Variants in GRAP2 observed in about 807,000 individuals in gnomAD.
GRAP2 encodes the protein GRB2 related adaptor protein 2.
GRAP2 carries 31 observed loss-of-function variants against 43.5 expected under a neutral mutation model. The observed-to-expected ratio is 0.71, with a 90% CI of 0.54 to 0.96. The LOEUF (loss-of-function observed/expected upper bound fraction) is 0.96, where lower values mean the gene tolerates loss of function less well. GRAP2 is among the 40% of genes least tolerant of loss of function. The pLI, the probability that GRAP2 is intolerant of heterozygous loss-of-function variation, is 0.00. For synonymous variants in GRAP2, 156 were observed against 164.8 expected (o/e 0.95, Z 0.41); for missense variants, 371 against 424.4 (o/e 0.87, Z 1.11).
At chr22:39,903,254 T>C (rs1739463310) in intron 1 of GRAP2, among the ~76,000 whole-genome samples, 1 of 152,194 alleles carries the variant, frequency 6.6e-6, no homozygotes, top group African/African-American at 2.4e-5. Flanking sequence ...CAAAACTTGT[T>C]AAAGAATCTT....
chr22:39,931,398 C>T (rs1301623755), intron 1 of GRAP2, among the ~76,000 whole-genome samples: 3 of 152,282 alleles, frequency 2.0e-5, no homozygotes, highest in Non-Finnish European at 4.4e-5. Context: ...ACATTTGGTA[C>T]TGTTGGTGGT....
At chr22:39,899,840 G>A (rs893962448), upstream of GRAP2, among the ~76,000 whole-genome samples, 1 of 152,068 alleles carries the variant, frequency 6.6e-6, no homozygotes, top group Admixed American at 6.6e-5. Context: ...AAAAAAATTA[G>A]CCAGGCATGG....
rs115927748 is a variant in GRAP2, at chr22:39,902,727, A to G, written c.-15+1397A>G. On this transcript the variant is annotated intron_variant, in intron 1 of 7. Transcript: ENST00000344138. Reference sequence around the variant, plus strand: ...AAGAAATATCTCTGTTGCTAATACAATATCCTTTTGAATATCTCCCACATC... The same window carrying G: ...AAGAAATATCTCTGTTGCTAATACAGTATCCTTTTGAATATCTCCCACATC... Among the ~76,000 whole-genome samples the G allele has an allele frequency of 6.2e-3, 941 of 152,320 alleles. 11 individuals carry two copies. The highest frequency in any genetic ancestry group is 0.022 in the African/African-American group (909 of 41,566).
intron 2 of GRAP2, among the ~76,000 whole-genome samples, chr22:39,952,822 T>G (rs1281220718): frequency 6.6e-6 from 1 of 152,166 alleles, no homozygotes. Flanking sequence ...AATTGTATTT[T>G]TTGAAAAGAG....
intron 1 of GRAP2, among the ~76,000 whole-genome samples, chr22:39,903,132 C>A (rs567774580): frequency 1.3e-5 from 2 of 152,084 alleles, no homozygotes; most frequent in East Asian, 3.9e-4. Flanking sequence ...TGCAATTGTT[C>A]GAAAATGTGT....
chr22:39,903,126 A>G (rs145218545), intron 1 of GRAP2, among the ~76,000 whole-genome samples: 11 of 152,310 alleles, frequency 7.2e-5, no homozygotes, highest in South Asian at 2.1e-4. Flanking sequence ...AAAGTCTGCA[A>G]TTGTTCGAAA....
chr22:39,937,739 G>C (rs796643306), intron 1 of GRAP2, among the ~76,000 whole-genome samples: 7 of 152,212 alleles, frequency 4.6e-5, no homozygotes, highest in African/African-American at 1.7e-4. Context: ...ATAAACTATG[G>C]TTCTCCGGCT....
At chr22:39,966,763 A>T (rs914070138) in intron 5 of GRAP2, among the ~76,000 whole-genome samples, 2 of 152,230 alleles carry the variant, frequency 1.3e-5, no homozygotes, top group African/African-American at 4.8e-5. Context: ...CAGACCTGGT[A>T]TGAAATCCTG....
At chr22:39,959,555 C>G (rs1158807196) in intron 3 of GRAP2, among the ~76,000 whole-genome samples, 1 of 152,168 alleles carries the variant, frequency 6.6e-6, no homozygotes, top group Non-Finnish European at 1.5e-5. Context: ...CTGTAACTTT[C>G]CTTTAATACC....
At position 39,917,752 on chromosome 22, in the gene GRAP2, T is replaced by C. The variant is rs76956471; in HGVS notation, c.-15+16422T>C. Among the ~76,000 whole-genome samples the C allele has an allele frequency of 2.3e-3, 347 of 152,324 alleles. 3 individuals are homozygous for C. Among genetic ancestry groups the C allele is most frequent in the African/African-American group, 7.9e-3 (329 of 41,566 alleles). ...AAAAATTGAGCAGAATTGTGCATGC[T>C]CCATGCTCAAAATATCTCTAAGAAA... On this transcript the variant is annotated intron_variant, in intron 1 of 7. Transcript: ENST00000344138.
At chr22:39,898,120 C>A (rs2066473035), upstream of GRAP2, among the ~76,000 whole-genome samples, 1 of 152,210 alleles carries the variant, frequency 6.6e-6, no homozygotes, top group South Asian at 2.1e-4. Context: ...AGTCCCTATA[C>A]CTGCAAAAGC....
intron 1 of GRAP2, among the ~76,000 whole-genome samples, chr22:39,931,889 C>T (rs747690265): frequency 1.1e-4 from 17 of 151,998 alleles, no homozygotes; most frequent in Non-Finnish European, 1.5e-4. Context: ...GCCTTTTGAC[C>T]CACACAATAT....
At chr22:39,952,021 T>A (rs1007154685) in intron 2 of GRAP2, among the ~76,000 whole-genome samples, 9 of 139,390 alleles carry the variant, frequency 6.5e-5, no homozygotes, top group Non-Finnish European at 1.4e-4. Context: ...AGTGTGTGGT[T>A]TTTTTTTTTT....
intron 4 of GRAP2, 45 bp from the exon 5 acceptor site, chr22:39,965,945 A>G (rs370974940): frequency 1.3e-6 from 2 of 1,532,774 alleles, no homozygotes; most frequent in East Asian, 2.2e-5. Flanking sequence ...AGGTGGTGAC[A>G]TTATCACCGT....
At chr22:39,946,155 C>G (rs1350832525) in intron 1 of GRAP2, among the ~76,000 whole-genome samples, 1 of 152,218 alleles carries the variant, frequency 6.6e-6, no homozygotes, top group African/African-American at 2.4e-5. Context: ...GCCACAGCGC[C>G]CGGCCTGCAT....
At chr22:39,942,469 G>A (rs149303375) in intron 1 of GRAP2, among the ~76,000 whole-genome samples, 154 of 152,130 alleles carry the variant, frequency 1.0e-3, no homozygotes, top group African/African-American at 3.7e-3. Context: ...ACTTCATTTC[G>A]TATACAAGAT....
rs1410095808 is a variant in GRAP2 at position 39,901,245 on chromosome 22, G to C, written c.-100G>C. ...CTGAAATGCAGTAACTCTGATGCTTGAATTTGTCTCCCTTCTTGCCAGAAA... is the reference window on the plus strand; with the variant it reads ...CTGAAATGCAGTAACTCTGATGCTTCAATTTGTCTCCCTTCTTGCCAGAAA... On this transcript the variant is annotated 5_prime_UTR_variant, in exon 1 of 8. The change abolishes the stop of an existing upstream ORF in the 5' untranslated region. Coordinates refer to ENST00000344138, the MANE Select transcript of GRAP2 (RefSeq NM_004810.4). 6 of 1,262,396 alleles carry C rather than the reference G, an allele frequency of 4.8e-6. No individual in the cohort carries two copies. In the East Asian group the frequency reaches 1.7e-4, roughly 35 times the overall value. The allele number at this position is 1,262,396 out of a possible 1,614,324, so 78.2% of individuals were successfully genotyped here.
At chr22:39,935,915 C>T (rs1381715057) in intron 1 of GRAP2, among the ~76,000 whole-genome samples, 1 of 152,158 alleles carries the variant, frequency 6.6e-6, no homozygotes, top group East Asian at 1.9e-4. Flanking sequence ...AACCATGTCA[C>T]AGCCCTGGCG....
intron 7 of GRAP2, among the ~76,000 whole-genome samples, 188 bp downstream of exon 7, chr22:39,969,721 C>A (rs1364791063): frequency 2.6e-5 from 4 of 152,164 alleles, no homozygotes; most frequent in African/African-American, 9.7e-5. Flanking sequence ...CGAGACCAGC[C>A]TGGCCAACAT....
Sources: gnomAD v4.1 joint callset for allele counts (sites outside exome capture counted in the v4.1 genomes callset) on GRCh38, gnomAD v4.1.1 for gene constraint, MANE v1.5 for transcripts, NCBI Gene and HGNC (gene_info 2026-07-23, HGNC 2026-07-21) for gene names.